Variants in CYTH1 observed in about 807,000 individuals in gnomAD.
The protein encoded by CYTH1 is cytohesin 1.
CYTH1 carries 18 observed loss-of-function variants against 61.8 expected under a neutral mutation model. That is an observed-to-expected ratio of 0.29 (90% CI 0.20 to 0.43). The LOEUF (loss-of-function observed/expected upper bound fraction) is 0.43. Ranked by LOEUF, CYTH1 falls within the 20% of genes least tolerant of loss-of-function variation. CYTH1 has a pLI of 1.00. For missense variants in CYTH1, 336 were observed against 510.5 expected (o/e 0.66, Z 3.29); for synonymous variants, 174 against 184.3 (o/e 0.94, Z 0.45).
chr17:78,745,878 G>T (rs539183501), intron 1 of CYTH1, among the ~76,000 whole-genome samples: 1 of 151,916 alleles, frequency 6.6e-6, no homozygotes, highest in African/African-American at 2.4e-5. Flanking sequence ...CCAACAGAGC[G>T]AGACTCTGTC....
At chr17:78,762,817 T>C (rs962604880) in intron 1 of CYTH1, among the ~76,000 whole-genome samples, 5 of 152,032 alleles carry the variant, frequency 3.3e-5, no homozygotes, top group South Asian at 2.1e-4. Flanking sequence ...CTTTAGAAGC[T>C]GGAAAGGTAA....
intron 13 of CYTH1, chr17:78,676,670 A>G (rs2092702992): frequency 3.3e-6 from 1 of 300,240 alleles, no homozygotes; most frequent in African/African-American, 2.2e-5. Context: ...ATGACTCTGC[A>G]GGCGGCACTG....
Position 78,774,138 on chromosome 17 carries a change from T to C in CYTH1, c.22+8064A>G, listed in dbSNP as rs566771746. ...ATTACAGGTACGTGTACTGATACAT[T>C]GCTAAGAAAAGAGTAAATTGGTGCA... is the stretch of plus-strand genomic sequence containing the variant. On this transcript the variant is annotated intron_variant, in intron 1 of 13. Transcript: ENST00000446868. Among the ~76,000 whole-genome samples the C allele has an allele frequency of 1.6e-4, 25 of 152,314 alleles. No individual in the cohort carries two copies. In the South Asian group the frequency reaches 3.9e-3, roughly 24 times the overall value.
chr17:78,755,936 A>G (rs182837458), intron 1 of CYTH1, among the ~76,000 whole-genome samples: 5 of 152,098 alleles, frequency 3.3e-5, no homozygotes, highest in East Asian at 3.9e-4. Flanking sequence ...CAAAAAAAGA[A>G]AAACAAAACA....
At chr17:78,731,096 C>A (rs991665579) in intron 1 of CYTH1, among the ~76,000 whole-genome samples, 33 of 152,166 alleles carry the variant, frequency 2.2e-4, no homozygotes, top group Non-Finnish European at 1.5e-5. Flanking sequence ...GCTACAGAAT[C>A]AACGCATCAC....
chr17:78,707,404 G>A (rs2093078794), intron 3 of CYTH1, among the ~76,000 whole-genome samples: 2 of 151,674 alleles, frequency 1.3e-5, no homozygotes, highest in South Asian at 2.1e-4. Context: ...AAAAAAAAAA[G>A]CAGAGTCCTT....
At chr17:78,714,118 C>T (rs138265126) in intron 1 of CYTH1, among the ~76,000 whole-genome samples, 8 of 151,838 alleles carry the variant, frequency 5.3e-5, no homozygotes, top group African/African-American at 1.5e-4. Context: ...GGTGAAACCC[C>T]GTCTCTACTA....
intron 1 of CYTH1, among the ~76,000 whole-genome samples, chr17:78,739,547 T>G (rs2093334038): frequency 1.3e-5 from 2 of 151,336 alleles, no homozygotes; most frequent in African/African-American, 2.4e-5. Context: ...GTCGCAGAGG[T>G]GAGGAGGGTG....
Position 78,700,530 on chromosome 17 carries a change from TC to T in CYTH1, c.438-88del. 11 of 1,120,480 alleles carry T rather than the reference TC, an allele frequency of 9.8e-6. No individual in the cohort carries two copies. Among genetic ancestry groups the T allele is most frequent in the East Asian group, 5.5e-5 (2 of 36,302 alleles). The allele number at this position is 1,120,480 out of a possible 1,614,324, so 69.4% of individuals were successfully genotyped here. ...GTTAAACTGCCAATGATTTTTTTTT[TC>T]TTTTTTTTTTTGAGATGGAGTCTCA... On this transcript the variant is annotated intron_variant, in intron 6 of 13. Coordinates refer to ENST00000446868, the MANE Select transcript of CYTH1 (RefSeq NM_004762.6). This position sits in a 1 kb window ranked among gnomAD's most constrained non-coding sequence, Gnocchi z 5.1.
intron 3 of CYTH1, among the ~76,000 whole-genome samples, chr17:78,705,193 C>G (rs953542345): frequency 4.6e-5 from 7 of 152,094 alleles, no homozygotes; most frequent in Non-Finnish European, 1.0e-4. Context: ...CAGTCCAGTC[C>G]TCACCAAAGG....
Position 78,773,745 on chromosome 17 carries a change from A to G in CYTH1, c.22+8457T>C, listed in dbSNP as rs183370167. Among the ~76,000 whole-genome samples the G allele has an allele frequency of 3.9e-5, 6 of 152,288 alleles. 1 individual carries two copies. The highest frequency in any genetic ancestry group is 2.0e-4 in the Admixed American group (3 of 15,296). Reference sequence around the variant, plus strand: ...CAGAAGACAATATATGGGTTGAGAGATCTTTCATCTTTAAAAGAAAAATTA... The same window carrying G: ...CAGAAGACAATATATGGGTTGAGAGGTCTTTCATCTTTAAAAGAAAAATTA... On this transcript the variant is annotated intron_variant, in intron 1 of 13. Transcript: ENST00000446868.
intron 1 of CYTH1, among the ~76,000 whole-genome samples, chr17:78,711,137 C>T (rs1182020979): frequency 1.3e-5 from 2 of 151,776 alleles, no homozygotes; most frequent in Non-Finnish European, 2.9e-5. Flanking sequence ...TGGCAGGTGC[C>T]TGTAGTCCCA....
intron 9 of CYTH1, among the ~76,000 whole-genome samples, chr17:78,696,364 T>C (rs2092938518): frequency 6.6e-6 from 1 of 152,276 alleles, no homozygotes; most frequent in African/African-American, 2.4e-5. Context: ...TAAGGTTATT[T>C]CAGGGAAAAT....
chr17:78,779,722 A>T (rs758003883), intron 1 of CYTH1, among the ~76,000 whole-genome samples: 7 of 152,224 alleles, frequency 4.6e-5, no homozygotes, highest in Non-Finnish European at 8.8e-5. Flanking sequence ...ACCATGGAAC[A>T]CAGGTGGCCT....
chr17:78,699,341 G>A (rs1458443262), intron 7 of CYTH1, among the ~76,000 whole-genome samples: 1 of 151,642 alleles, frequency 6.6e-6, no homozygotes, highest in Non-Finnish European at 1.5e-5. Context: ...TCCAGCCTGG[G>A]CGACAGAGTG....
chr17:78,690,923 C>A (rs894401085), intron 11 of CYTH1, among the ~76,000 whole-genome samples: 2 of 151,996 alleles, frequency 1.3e-5, no homozygotes, highest in Non-Finnish European at 2.9e-5. Context: ...AATAGCGAGA[C>A]AAATTCAGAC....
At chr17:78,702,070 T>C in intron 5 of CYTH1, 52 bp downstream of exon 5, 2 of 1,412,936 alleles carry the variant, frequency 1.4e-6, no homozygotes, top group Non-Finnish European at 2.0e-6. Flanking sequence ...TGTTTCTTTG[T>C]GTCGTTCCTG....
At chr17:78,729,898 G>C (rs554075557) in intron 1 of CYTH1, among the ~76,000 whole-genome samples, 2 of 152,304 alleles carry the variant, frequency 1.3e-5, no homozygotes, top group East Asian at 3.9e-4. Flanking sequence ...ACTGTGGAAA[G>C]AGAGTGGGGG....
chr17:78,739,988 C>T (rs1455585204), intron 1 of CYTH1, among the ~76,000 whole-genome samples: 2 of 151,990 alleles, frequency 1.3e-5, no homozygotes, highest in South Asian at 4.1e-4. Context: ...CAGGCTGAAG[C>T]GCAGTGGCGC....
Sources: gnomAD v4.1 joint callset for allele counts (sites outside exome capture counted in the v4.1 genomes callset) on GRCh38, gnomAD v4.1.1 for gene constraint, Gnocchi (gnomAD v3.1) non-coding constraint, MANE v1.5 for transcripts, NCBI Gene and HGNC (gene_info 2026-07-23, HGNC 2026-07-21) for gene names.